SOX6: variants seen among roughly 807,000 people sequenced by gnomAD.
The protein encoded by SOX6 is SRY-box transcription factor 6, also known as transcription factor SOX-6.
Under a neutral mutation model 97.8 loss-of-function variants are expected in SOX6, and 11 were observed. The observed-to-expected ratio is 0.11, with a 90% CI of 0.07 to 0.19. The LOEUF is 0.19. Ranked by LOEUF, SOX6 falls within the 10% of genes least tolerant of loss-of-function variation. The probability of loss-of-function intolerance (pLI) is 1.00; values close to 1 mark genes in which losing one functional copy is unlikely to be tolerated. For missense variants in SOX6, 810 were observed against 1,039.5 expected (o/e 0.78, Z 3.04); for synonymous variants, 360 against 371.4 (o/e 0.97, Z 0.35).
At chr11:16,208,755 A>G (rs1852139613) in intron 4 of SOX6, among the ~76,000 whole-genome samples, 1 of 152,230 alleles carries the variant, frequency 6.6e-6, no homozygotes, top group Non-Finnish European at 1.5e-5. Context: ...GAAGTTCTAT[A>G]TAACTCAGAG....
In SOX6 at chr11:16,570,678, AG is replaced by A. The variant is rs1247425108; in HGVS notation, n.609+41402del. 9.8e-5 allele frequency among the ~76,000 whole-genome samples: 15 copies of A among 152,332 alleles called. No individual in the cohort carries two copies. In the East Asian group the frequency reaches 2.5e-3, roughly 25 times the overall value. ...AATGGTTTTCAAAACTGTTCAAATT[AG>A]TTAAAGTACTGATACCTTCCTTCAT... On this transcript the variant is annotated intron_variant and non_coding_transcript_variant, in intron 4 of 5. Coordinates refer to the SOX6 transcript ENST00000524520.
intron 9 of SOX6, among the ~76,000 whole-genome samples, chr11:16,060,214 C>CA (rs1385481051): frequency 6.6e-6 from 1 of 151,688 alleles, no homozygotes; most frequent in Non-Finnish European, 1.5e-5. Context: ...GTGAATAATA[C>CA]AATTACTTTT....
chr11:16,307,060 A>G (rs1332314121), intron 3 of SOX6, among the ~76,000 whole-genome samples: 1 of 152,212 alleles, frequency 6.6e-6, no homozygotes, highest in East Asian at 1.9e-4. Flanking sequence ...GCAAGTGCAA[A>G]GGTCCTAAGA....
intron 3 of SOX6, among the ~76,000 whole-genome samples, chr11:16,635,399 G>T (rs1039841405): frequency 2.6e-5 from 4 of 152,218 alleles, no homozygotes; most frequent in African/African-American, 9.7e-5. Context: ...TGCAAAGACA[G>T]AGTGGTGGCA....
At chr11:16,521,422 T>C (rs1042594343) in intron 4 of SOX6, among the ~76,000 whole-genome samples, 13 of 152,192 alleles carry the variant, frequency 8.5e-5, no homozygotes, top group African/African-American at 1.9e-4. Context: ...CTGAGGGTCC[T>C]GTCTGTTAGA....
chr11:16,154,585 A>T (rs898996372), intron 6 of SOX6, among the ~76,000 whole-genome samples: 3 of 152,118 alleles, frequency 2.0e-5, no homozygotes, highest in African/African-American at 7.2e-5. Context: ...CTCCGAATTA[A>T]ATTAAGTACA....
chr11:16,318,428 A>G lies in SOX6; in HGVS notation c.445+18T>C. ...TAGAAGAAAAAAAACAGAGCCCAAC[A>G]GTGAAGTCCACACATACCCTCTTGT... On this transcript the variant is annotated intron_variant, in intron 3 of 15. Coordinates refer to ENST00000683767, the MANE Select transcript of SOX6 (RefSeq NM_001367873.1). The G allele has an allele frequency of 1.2e-6, 2 of 1,610,824 alleles. No homozygotes were observed. The highest frequency in any genetic ancestry group is 1.7e-6 in the Non-Finnish European group (2 of 1,178,024).
intron 7 of SOX6, among the ~76,000 whole-genome samples, chr11:16,100,351 C>T (rs538326216): frequency 6.6e-6 from 1 of 151,882 alleles, no homozygotes; most frequent in Non-Finnish European, 1.5e-5. Context: ...CTGGCCCTTG[C>T]TACCTCTAGT....
intron 3 of SOX6, among the ~76,000 whole-genome samples, chr11:16,635,289 A>G (rs1336696757): frequency 6.6e-6 from 1 of 152,232 alleles, no homozygotes; most frequent in African/African-American, 2.4e-5. Context: ...GGCTTTGACC[A>G]AAATGCTGAT....
At chr11:16,688,548 T>C (rs1416096299) in intron 3 of SOX6, among the ~76,000 whole-genome samples, 2 of 152,228 alleles carry the variant, frequency 1.3e-5, no homozygotes, top group African/African-American at 2.4e-5. Context: ...TAATATCTAA[T>C]ACACTGTTCA....
rs74404266 is a variant in SOX6 at position 16,604,921 on chromosome 11, A to G, written n.609+7160T>C. Among the ~76,000 whole-genome samples, 11 of 152,166 alleles carry G rather than the reference A, an allele frequency of 7.2e-5. No individual in the cohort carries two copies. In the East Asian group the frequency reaches 2.1e-3, roughly 30 times the overall value. ...CTTAAAGCTCTGCGGAGCGCCGGGG[A>G]AGCAGCCCGGCACCGAGCTAATCTG... On this transcript the variant is annotated intron_variant and non_coding_transcript_variant, in intron 4 of 5. Coordinates refer to the SOX6 transcript ENST00000524520.
intron 4 of SOX6, among the ~76,000 whole-genome samples, chr11:16,545,507 T>C (rs1847610390): frequency 6.6e-6 from 1 of 152,230 alleles, no homozygotes; most frequent in Non-Finnish European, 1.5e-5. Context: ...AACATCATTC[T>C]GAATGGGGGA....
intron 1 of SOX6, among the ~76,000 whole-genome samples, chr11:16,428,884 G>C (rs192638083): frequency 4.2e-4 from 64 of 152,268 alleles, no homozygotes; most frequent in African/African-American, 1.3e-3. Context: ...TAGCTTGATG[G>C]GGATGGCATT....
chr11:16,478,628 T>C (rs1437258293), upstream of SOX6, among the ~76,000 whole-genome samples: 4 of 152,196 alleles, frequency 2.6e-5, no homozygotes, highest in Admixed American at 2.0e-4. Flanking sequence ...TAAGTTCCTA[T>C]GGTCAAAGAG....
chr11:16,193,040 T>G (rs1851671566), intron 4 of SOX6, among the ~76,000 whole-genome samples: 1 of 152,174 alleles, frequency 6.6e-6, no homozygotes, highest in African/African-American at 2.4e-5. Context: ...TAAATAGATA[T>G]TCTCTGAAAG....
intron 2 of SOX6, among the ~76,000 whole-genome samples, chr11:16,727,313 G>C (rs1410443575): frequency 2.9e-5 from 1 of 33,996 alleles, no homozygotes; most frequent in African/African-American, 1.2e-4. Flanking sequence ...TTTTTTTTTT[G>C]GAGACTGCCC....
intron 4 of SOX6, among the ~76,000 whole-genome samples, chr11:16,490,608 A>G (rs992502710): frequency 6.6e-6 from 1 of 152,066 alleles, no homozygotes; most frequent in Non-Finnish European, 1.5e-5. Flanking sequence ...AGATAAAGAT[A>G]ATAGTAACAG....
At chr11:16,080,225 A>C (rs2133953875) in intron 9 of SOX6, among the ~76,000 whole-genome samples, 1 of 149,472 alleles carries the variant, frequency 6.7e-6, no homozygotes, top group African/African-American at 2.4e-5. Flanking sequence ...GACTATTATT[A>C]TTTGTCAATT....
At chr11:16,079,348 T>C (rs1053389484) in intron 9 of SOX6, among the ~76,000 whole-genome samples, 1 of 152,158 alleles carries the variant, frequency 6.6e-6, no homozygotes. Context: ...AAAAGGAAAG[T>C]ATAAGATTAT....
Sources: gnomAD v4.1 joint callset for allele counts (sites outside exome capture counted in the v4.1 genomes callset) on GRCh38, gnomAD v4.1.1 for gene constraint, MANE v1.5 for transcripts, NCBI Gene and HGNC (gene_info 2026-07-23, HGNC 2026-07-21) for gene names.